The following ADAMTSL1 variants were observed in gnomAD, a reference collection of about 807,000 sequenced individuals.
The protein encoded by ADAMTSL1 is ADAMTS-like protein 1.
Under a neutral mutation model 201.8 loss-of-function variants are expected in ADAMTSL1, and 126 were observed. The ratio of observed to expected loss-of-function variants is 0.62; its 90% confidence interval spans 0.54 to 0.72. The LOEUF (loss-of-function observed/expected upper bound fraction) is 0.72. Ranked by LOEUF, ADAMTSL1 falls within the 30% of genes least tolerant of loss-of-function variation. The pLI, the probability that ADAMTSL1 is intolerant of heterozygous loss-of-function variation, is 0.00. For synonymous variants in ADAMTSL1, 1,121 were observed against 903.4 expected, an observed-to-expected ratio of 1.24 and a Z score of -4.32; for missense variants, 2,679 against 2,277.8, an observed-to-expected ratio of 1.18 and a Z score of -3.59.
At chr9:17,957,429 A>C (rs1827974108) in intron 1 of ADAMTSL1, among the ~76,000 whole-genome samples, 1 of 152,146 alleles carries the variant, frequency 6.6e-6, no homozygotes, top group Non-Finnish European at 1.5e-5. Context: ...AGGCATGGAC[A>C]TCATCATTGC....
chr9:18,425,159 A>C (rs1819149881), intron 2 of ADAMTSL1, among the ~76,000 whole-genome samples: 6 of 142,458 alleles, frequency 4.2e-5, no homozygotes, highest in East Asian at 2.1e-4. Context: ...CCTCCACTCC[A>C]CTCTCTCTCC....
intron 2 of ADAMTSL1, among the ~76,000 whole-genome samples, chr9:18,519,356 C>T (rs141287935): frequency 6.6e-6 from 1 of 150,738 alleles, no homozygotes; most frequent in Non-Finnish European, 1.5e-5. Flanking sequence ...CTCGAGGGAG[C>T]AGGAGGAGGA....
chr9:18,093,478 T>C (rs1377811050), intron 1 of ADAMTSL1, among the ~76,000 whole-genome samples: 1 of 152,242 alleles, frequency 6.6e-6, no homozygotes, highest in Non-Finnish European at 1.5e-5. Context: ...GCATTGGAAA[T>C]AGCCCTCAAA....
intron 2 of ADAMTSL1, among the ~76,000 whole-genome samples, chr9:18,193,406 T>C (rs1829048886): frequency 6.6e-6 from 1 of 152,080 alleles, no homozygotes; most frequent in Non-Finnish European, 1.5e-5. Flanking sequence ...ACAGTTACAG[T>C]AGGATCCATG....
At chr9:18,898,830 C>T (rs953609790) in intron 26 of ADAMTSL1, among the ~76,000 whole-genome samples, 12 of 152,232 alleles carry the variant, frequency 7.9e-5, no homozygotes, top group African/African-American at 2.6e-4. Context: ...TTTGACAAAT[C>T]AGCAGTTGCT....
chr9:18,718,491 C>T (rs1833107537), intron 14 of ADAMTSL1: 1 of 569,310 alleles, frequency 1.8e-6, no homozygotes, highest in Admixed American at 1.9e-5. Flanking sequence ...TTTCCAACGC[C>T]TCCTGGGCCA....
intron 4 of ADAMTSL1, among the ~76,000 whole-genome samples, chr9:18,621,009 A>C (rs1826003615): frequency 6.6e-6 from 1 of 152,234 alleles, no homozygotes; most frequent in African/African-American, 2.4e-5. Context: ...AAAGAAAATC[A>C]AGCCTCAATC....
intron 2 of ADAMTSL1, among the ~76,000 whole-genome samples, chr9:18,378,652 T>C (rs1200368816): frequency 6.6e-6 from 1 of 152,124 alleles, no homozygotes; most frequent in Non-Finnish European, 1.5e-5. Context: ...CCTTATCAGC[T>C]TTCCCTCCTT....
intron 2 of ADAMTSL1, among the ~76,000 whole-genome samples, chr9:18,274,753 A>T (rs180839148): frequency 5.8e-4 from 89 of 152,330 alleles, no homozygotes; most frequent in Non-Finnish European, 9.4e-4. Flanking sequence ...AAAAGAGACT[A>T]TTATAAAAGA....
intron 4 of ADAMTSL1, among the ~76,000 whole-genome samples, chr9:18,578,726 T>G (rs1024641719): frequency 6.6e-6 from 1 of 152,104 alleles, no homozygotes; most frequent in Non-Finnish European, 1.5e-5. Context: ...TGATTTATAG[T>G]CATTTGGGTA....
chr9:18,330,396 G>A (rs1199773746), intron 2 of ADAMTSL1, among the ~76,000 whole-genome samples: 1 of 151,826 alleles, frequency 6.6e-6, no homozygotes, highest in Non-Finnish European at 1.5e-5. Flanking sequence ...TGACACAGTT[G>A]AGGACTGCCT....
chr9:18,255,476 T>C (rs1214351424), intron 2 of ADAMTSL1, among the ~76,000 whole-genome samples: 1 of 152,246 alleles, frequency 6.6e-6, no homozygotes, highest in African/African-American at 2.4e-5. Context: ...GCTGTACTCC[T>C]GTGACCAGCT....
intron 2 of ADAMTSL1, among the ~76,000 whole-genome samples, chr9:18,285,637 G>A (rs932722912): frequency 6.6e-6 from 1 of 151,858 alleles, no homozygotes; most frequent in African/African-American, 2.4e-5. Flanking sequence ...TTGTGGCGGG[G>A]TGTTGACACT....
chr9:17,979,969 C>A (rs982717301), intron 1 of ADAMTSL1, among the ~76,000 whole-genome samples: 1 of 151,968 alleles, frequency 6.6e-6, no homozygotes, highest in East Asian at 1.9e-4. Flanking sequence ...AGCTTGGAAC[C>A]GTGGAAACCA....
intron 1 of ADAMTSL1, among the ~76,000 whole-genome samples, chr9:17,995,834 G>A (rs548669590): frequency 2.2e-4 from 34 of 151,396 alleles, no homozygotes; most frequent in Middle Eastern, 3.4e-3. Context: ...GGAAATAGAG[G>A]ATCCAGGTTC....
At chr9:18,792,586 T>G (rs1822128980) in intron 19 of ADAMTSL1, among the ~76,000 whole-genome samples, 1 of 152,222 alleles carries the variant, frequency 6.6e-6, no homozygotes, top group African/African-American at 2.4e-5. Context: ...AGTGATCTTC[T>G]GAGTTCCATC....
chr9:18,333,772 T>G (rs965409131), intron 2 of ADAMTSL1, among the ~76,000 whole-genome samples: 1 of 152,138 alleles, frequency 6.6e-6, no homozygotes, highest in Non-Finnish European at 1.5e-5. Flanking sequence ...GATTTTACCC[T>G]AGAAAAAAGA....
intron 2 of ADAMTSL1, among the ~76,000 whole-genome samples, chr9:18,511,472 C>T (rs531596448): frequency 6.6e-5 from 10 of 151,884 alleles, no homozygotes; most frequent in East Asian, 3.9e-4. Flanking sequence ...TGAGGTAATA[C>T]GATTATTAGA....
chr9:18,588,006 A>T (rs1823627612), intron 4 of ADAMTSL1, among the ~76,000 whole-genome samples: 1 of 152,126 alleles, frequency 6.6e-6, no homozygotes, highest in Admixed American at 6.5e-5. Context: ...AGGTTGCTGG[A>T]TCATATAGTA....
Sources: gnomAD v4.1 joint callset for allele counts (sites outside exome capture counted in the v4.1 genomes callset) on GRCh38, gnomAD v4.1.1 for gene constraint, MANE v1.5 for transcripts, NCBI Gene and HGNC (gene_info 2026-07-23, HGNC 2026-07-21) for gene names.